Variants in CNTN5 observed in about 807,000 individuals in gnomAD.
CNTN5 encodes the protein contactin-5.
A neutral mutation model predicts 129.1 loss-of-function variants in CNTN5; 77 were observed. The ratio of observed to expected loss-of-function variants is 0.60; its 90% CI spans 0.50 to 0.72. CNTN5 has a LOEUF of 0.72. Ranked by LOEUF, CNTN5 falls within the 30% of genes least tolerant of loss-of-function variation. The pLI is 0.00. For synonymous variants in CNTN5, 509 were observed against 465.6 expected, an observed-to-expected ratio of 1.09 and a Z score of -1.20; for missense variants, 1,478 against 1,328.8, an observed-to-expected ratio of 1.11 and a Z score of -1.75.
intron 21 of CNTN5, among the ~76,000 whole-genome samples, chr11:100,331,162 A>C (rs1475765404): frequency 1.3e-5 from 2 of 152,174 alleles, no homozygotes; most frequent in Non-Finnish European, 2.9e-5. Context: ...AATGGATATC[A>C]AAAGTGAGCA....
intron 1 of CNTN5, among the ~76,000 whole-genome samples, chr11:99,153,934 C>A (rs1860200183): frequency 6.7e-6 from 1 of 150,300 alleles, no homozygotes; most frequent in Admixed American, 6.7e-5. Context: ...GCTCAGTACT[C>A]CTGGGCTGCA....
chr11:99,054,890 TG>T (rs1490446316), intron 1 of CNTN5, among the ~76,000 whole-genome samples: 1 of 151,960 alleles, frequency 6.6e-6, no homozygotes, highest in East Asian at 1.9e-4. Context: ...TTCAGATGAG[TG>T]TTAGGAAGTT....
intron 13 of CNTN5, among the ~76,000 whole-genome samples, chr11:100,122,925 T>C (rs1447609748): frequency 6.6e-6 from 1 of 152,056 alleles, no homozygotes; most frequent in Non-Finnish European, 1.5e-5. Context: ...GTTCAGAGGC[T>C]TTTGCAATAT....
At chr11:99,948,187 C>A (rs1031958361) in intron 7 of CNTN5, among the ~76,000 whole-genome samples, 2 of 152,174 alleles carry the variant, frequency 1.3e-5, no homozygotes, top group African/African-American at 4.8e-5. Context: ...ATCTGTGCGA[C>A]TTTTCATGGT....
At chr11:99,142,834 G>A (rs1326432496) in intron 1 of CNTN5, among the ~76,000 whole-genome samples, 1 of 152,052 alleles carries the variant, frequency 6.6e-6, no homozygotes, top group African/African-American at 2.4e-5. Context: ...GACTCGTAGG[G>A]CTTCCTGCAG....
At chr11:99,868,174 C>T (rs532525003) in intron 6 of CNTN5, among the ~76,000 whole-genome samples, 34 of 151,822 alleles carry the variant, frequency 2.2e-4, no homozygotes, top group Middle Eastern at 3.4e-3. Flanking sequence ...TGAGAACGTG[C>T]CGCTGCACTC....
At chr11:100,344,910 T>C (rs967777087) in intron 23 of CNTN5, among the ~76,000 whole-genome samples, 1 of 152,076 alleles carries the variant, frequency 6.6e-6, no homozygotes, top group Non-Finnish European at 1.5e-5. Flanking sequence ...TTTTGCCATT[T>C]TCCATGGAAT....
chr11:99,818,545 C>T (rs1251353056), intron 3 of CNTN5, among the ~76,000 whole-genome samples: 1 of 151,192 alleles, frequency 6.6e-6, no homozygotes, highest in Admixed American at 6.7e-5. Context: ...CATGAGCCGA[C>T]GTGCCTGGCC....
At chr11:99,306,439 A>G (rs535218159) in intron 1 of CNTN5, among the ~76,000 whole-genome samples, 21 of 152,332 alleles carry the variant, frequency 1.4e-4, no homozygotes, top group Admixed American at 2.6e-4. Context: ...AATATGAGAT[A>G]TGTAAATGAG....
chr11:99,307,221 C>T (rs1003340503), intron 1 of CNTN5, among the ~76,000 whole-genome samples: 1 of 152,178 alleles, frequency 6.6e-6, no homozygotes, highest in African/African-American at 2.4e-5. Flanking sequence ...AATTATCCAG[C>T]ACTAGAACTA....
At chr11:100,290,913 A>C (rs1443265064) in intron 18 of CNTN5, among the ~76,000 whole-genome samples, 5 of 151,856 alleles carry the variant, frequency 3.3e-5, no homozygotes, top group Non-Finnish European at 5.9e-5. Flanking sequence ...ATTTACAAGA[A>C]AAAAACAAAC....
intron 12 of CNTN5, 33 bp downstream of exon 12, chr11:100,071,867 A>G: frequency 6.5e-7 from 1 of 1,540,594 alleles, no homozygotes; most frequent in East Asian, 2.3e-5. Flanking sequence ...AATTGAAAAA[A>G]AAAACCTTGC....
intron 13 of CNTN5, among the ~76,000 whole-genome samples, chr11:100,110,493 C>G (rs1945618120): frequency 6.6e-6 from 1 of 151,834 alleles, no homozygotes; most frequent in African/African-American, 2.4e-5. Flanking sequence ...CATTTCAGTT[C>G]ATGAATGACC....
chr11:100,110,021 T>C (rs953157730), intron 13 of CNTN5, among the ~76,000 whole-genome samples: 1 of 151,606 alleles, frequency 6.6e-6, no homozygotes, highest in Non-Finnish European at 1.5e-5. Flanking sequence ...CTACCAGAAA[T>C]ACAAAAAATT....
chr11:99,307,915 T>C lies in CNTN5; in HGVS notation c.-209-17431T>C, dbSNP rs376347063. On this transcript the variant is annotated intron_variant, in intron 1 of 24. Coordinates refer to ENST00000524871, the MANE Select transcript of CNTN5 (RefSeq NM_014361.4). ...CCAAACACATACACCCAAACCAGCA[T>C]AGGCTTACACAGAAACTAAATCAAT... Among the ~76,000 whole-genome samples, 317 of 152,298 alleles carry C rather than the reference T, an allele frequency of 2.1e-3. 2 individuals carry two copies. The highest frequency in any genetic ancestry group is 7.5e-3 in the African/African-American group (310 of 41,566).
chr11:99,884,412 A>G (rs1948845899), intron 6 of CNTN5, among the ~76,000 whole-genome samples: 1 of 152,206 alleles, frequency 6.6e-6, no homozygotes, highest in Admixed American at 6.5e-5. Flanking sequence ...AAGAGATTTG[A>G]AAAATAATCA....
chr11:99,166,803 G>C (rs531740661), intron 1 of CNTN5, among the ~76,000 whole-genome samples: 3 of 150,034 alleles, frequency 2.0e-5, no homozygotes, highest in African/African-American at 7.4e-5. Flanking sequence ...TGTGGTCATG[G>C]TGACCCGTAA....
chr11:99,061,490 T>A (rs955934910), intron 1 of CNTN5, among the ~76,000 whole-genome samples: 1 of 152,160 alleles, frequency 6.6e-6, no homozygotes, highest in Non-Finnish European at 1.5e-5. Flanking sequence ...ACGTGGAATA[T>A]GGACAGACCT....
chr11:99,444,645 T>C (rs1268901348), intron 2 of CNTN5, among the ~76,000 whole-genome samples: 2 of 152,174 alleles, frequency 1.3e-5, no homozygotes, highest in African/African-American at 4.8e-5. Context: ...ATCACCTTAA[T>C]CTTCTTTTAT....
Sources: allele counts gnomAD v4.1 joint callset (sites outside exome capture counted in the v4.1 genomes callset), GRCh38; gene constraint gnomAD v4.1.1; transcripts MANE v1.5; gene names NCBI Gene and HGNC (gene_info 2026-07-23, HGNC 2026-07-21).